The following NLRP7 variants were observed in gnomAD, a reference collection of about 807,000 sequenced individuals.
NLRP7 encodes the protein NLR family pyrin domain containing 7, also known as NACHT, LRR and PYD domains-containing protein 7.
A neutral mutation model predicts 85.5 loss-of-function variants in NLRP7; 72 were observed. The observed-to-expected ratio is 0.84, with a 90% CI of 0.70 to 1.02. The LOEUF is 1.02. NLRP7 is among the 50% of genes least tolerant of loss of function. NLRP7 has a pLI of 0.00. For missense variants in NLRP7, 1,243 were observed against 1,219.5 expected, an observed-to-expected ratio of 1.02 and a Z score of -0.29; for synonymous variants, 550 against 505.2, an observed-to-expected ratio of 1.09 and a Z score of -1.19.
intron 8 of NLRP7, among the ~76,000 whole-genome samples, chr19:54,932,653 GTT>G (rs535425008): frequency 3.3e-5 from 5 of 150,960 alleles, no homozygotes; most frequent in African/African-American, 1.2e-4. Context: ...TTTTTGTTGA[GTT>G]TTTTTTTGTT....
chr19:54,923,647 T>C (rs947024310), exon 10 of NLRP7: 97 of 1,382,512 alleles, frequency 7.0e-5, no homozygotes, highest in Admixed American at 4.0e-4. Context: ...CAGACTCTAG[T>C]GTTAACATGT....
At chr19:54,940,907 G>A (rs762652125) in intron 3 of NLRP7, 24 bp downstream of exon 3, 3 of 1,442,566 alleles carry the variant, frequency 2.1e-6, no homozygotes, top group South Asian at 1.1e-5. Context: ...CCAAACTCAT[G>A]ACCATAGGAC....
intron 8 of NLRP7, among the ~76,000 whole-genome samples, chr19:54,931,085 C>T (rs1263205707): frequency 1.3e-5 from 2 of 152,108 alleles, no homozygotes; most frequent in Non-Finnish European, 2.9e-5. Context: ...TAGGAATTGA[C>T]CCATGAACTG....
intron 9 of NLRP7, among the ~76,000 whole-genome samples, chr19:54,926,205 GGTGTGT>G (rs138774910): frequency 2.8e-5 from 4 of 143,744 alleles, no homozygotes; most frequent in East Asian, 4.7e-4. Context: ...AATGATTAGG[GGTGTGT>G]GTGTGTGTGT....
intron 1 of NLRP7, among the ~76,000 whole-genome samples, chr19:54,945,091 A>T (rs1439969607): frequency 6.6e-6 from 1 of 151,652 alleles, no homozygotes; most frequent in Non-Finnish European, 1.5e-5. Flanking sequence ...TACAAAAAAA[A>T]AATTAGCCGG....
chr19:54,952,965 G>T (rs527924767), intron 1 of NLRP7, among the ~76,000 whole-genome samples: 3 of 151,892 alleles, frequency 2.0e-5, no homozygotes, highest in Non-Finnish European at 4.4e-5. Context: ...GTGAAACCCC[G>T]TCTCTACTGA....
intron 8 of NLRP7, among the ~76,000 whole-genome samples, chr19:54,933,049 A>G (rs2068742762): frequency 6.6e-6 from 1 of 152,180 alleles, no homozygotes; most frequent in Non-Finnish European, 1.5e-5. Flanking sequence ...CAGATCCGAG[A>G]ACCAACTACT....
chr19:54,927,555 CAAA>C (rs767169506), intron 9 of NLRP7, 47 bp downstream of exon 10: 7 of 1,545,138 alleles, frequency 4.5e-6, no homozygotes, highest in Admixed American at 1.8e-5. Context: ...GACTCCATCT[CAAA>C]AAAACAAAAA....
exon 2 of NLRP7, chr19:54,941,492 T>C (rs775764401): frequency 1.2e-6 from 2 of 1,613,868 alleles, no homozygotes; most frequent in South Asian, 2.2e-5. Context: ...TCTTCCAAGA[T>C]GTTCACAGTC....
exon 4 of NLRP7, chr19:54,938,935 C>T (rs759165812): frequency 1.9e-6 from 3 of 1,614,042 alleles, no homozygotes; most frequent in East Asian, 2.2e-5. Context: ...TCTCCAGGAA[C>T]ACCCCCTTTG....
At chr19:54,946,337 G>A (rs1166395185) in intron 1 of NLRP7, among the ~76,000 whole-genome samples, 5 of 148,816 alleles carry the variant, frequency 3.4e-5, no homozygotes, top group African/African-American at 5.0e-5. Context: ...TCAGCCTCCC[G>A]AGTAGCTGGG....
At chr19:54,927,705 G>A in intron 9 of NLRP7, 1 of 1,614,062 alleles carries the variant, frequency 6.2e-7, no homozygotes. Flanking sequence ...AGAGTTTCAA[G>A]CTTCTGATTG....
intron 8 of NLRP7, among the ~76,000 whole-genome samples, chr19:54,933,290 C>T (rs1336384148): frequency 6.6e-6 from 1 of 152,084 alleles, no homozygotes; most frequent in Non-Finnish European, 1.5e-5. Flanking sequence ...GGACTACAGG[C>T]ATCCGCCACC....
exon 4 of NLRP7, chr19:54,940,376 T>C (rs916979795): frequency 6.2e-7 from 1 of 1,614,190 alleles, no homozygotes; most frequent in Non-Finnish European, 8.5e-7. Context: ...AGTGACGTCG[T>C]CATGGAAATT....
chr19:54,940,542 G>A, intron 3 of NLRP7, 76 bp from the exon 4 acceptor site: 3 of 1,522,396 alleles, frequency 2.0e-6, no homozygotes, highest in Non-Finnish European at 2.7e-6. Context: ...TACCAGAAAT[G>A]AGGGCCAGGC....
In NLRP7 at chr19:54,934,462, A is replaced by G; in HGVS notation, c.2471+27T>C. On this transcript the variant is annotated intron_variant, in intron 7 of 9. Transcript: ENST00000340844. The surrounding 1 kb of genome is among the most constrained non-coding windows in gnomAD (Gnocchi z 6.7). Reference sequence around the variant, plus strand: ...TTCTATAGCCCCAGAACTAAACCAGAGCTGCCCATGGGAAGAGGAGACTTA... The same window carrying G: ...TTCTATAGCCCCAGAACTAAACCAGGGCTGCCCATGGGAAGAGGAGACTTA... The G allele has an allele frequency of 6.2e-7, 1 of 1,612,868 alleles. No homozygotes were observed. Among genetic ancestry groups the G allele is most frequent in the Non-Finnish European group, 8.5e-7 (1 of 1,178,884 alleles).
At chr19:54,949,824 G>A (rs547095972), upstream of NLRP7, among the ~76,000 whole-genome samples, 2 of 152,218 alleles carry the variant, frequency 1.3e-5, no homozygotes, top group East Asian at 3.9e-4. Flanking sequence ...GTTTGGGCCG[G>A]GTGTCCTGTG....
At position 54,936,435 on chromosome 19, in the gene NLRP7, G is replaced by C; in HGVS notation, c.2130-4C>G. On this transcript the variant is annotated splice_region_variant and splice_polypyrimidine_tract_variant and intron_variant, in intron 5 of 9. Coordinates refer to ENST00000340844, the Ensembl canonical transcript of NLRP7. ...GTCAGGGGTGACGTTTTTAATCCTA[G>C]GGAAAAGCAGAAGAGATTCCACTTG... is the stretch of plus-strand genomic sequence containing the variant. The C allele has an allele frequency of 5.6e-6, 9 of 1,613,098 alleles. No individual in the cohort carries two copies. Among genetic ancestry groups the C allele is most frequent in the Non-Finnish European group, 7.6e-6 (9 of 1,179,060 alleles).
At chr19:54,952,762 C>G (rs1330268418) in intron 1 of NLRP7, among the ~76,000 whole-genome samples, 1 of 152,072 alleles carries the variant, frequency 6.6e-6, no homozygotes, top group Non-Finnish European at 1.5e-5. Flanking sequence ...CTGTCAGAGG[C>G]GTGTAACCAG....
Sources: allele counts gnomAD v4.1 joint callset (sites outside exome capture counted in the v4.1 genomes callset), GRCh38; gene constraint gnomAD v4.1.1; non-coding constraint Gnocchi (gnomAD v3.1); transcripts MANE v1.5; gene names NCBI Gene and HGNC (gene_info 2026-07-23, HGNC 2026-07-21).